The following DDX43 variants were observed in gnomAD, a reference collection of about 807,000 sequenced individuals.
DDX43 encodes probable ATP-dependent RNA helicase DDX43.
A neutral mutation model predicts 84.9 loss-of-function variants in DDX43; 50 were observed. That is an observed-to-expected ratio of 0.59 (90% confidence interval 0.47 to 0.75). The LOEUF (loss-of-function observed/expected upper bound fraction) is 0.75. DDX43 is among the 30% of genes least tolerant of loss of function. The pLI, the probability that DDX43 is intolerant of heterozygous loss-of-function variation, is 0.00. For synonymous variants in DDX43, 291 were observed against 266.3 expected (o/e 1.09, Z -0.90); for missense variants, 689 against 798.6 (o/e 0.86, Z 1.65).
chr6:73,413,973 G>C lies in DDX43; in HGVS notation c.1500G>C (p.Ala500=). 1 of 1,602,416 alleles carries C rather than the reference G, an allele frequency of 6.2e-7. No individual in the cohort carries two copies. Among genetic ancestry groups the C allele is most frequent in the Non-Finnish European group, 8.5e-7 (1 of 1,169,606 alleles). Residue 500 remains alanine, a synonymous_variant, in exon 13 of 17, where the codon GCG becomes GCC. Transcript: ENST00000370336. ...VIVFVSRKAV[A]DHLSSDLILG... ...CTGAGTTTATCTTTTGCTTCAGTGC[G>C]GATCACTTATCAAGTGACCTAATAC...
In DDX43 at chr6:73,394,861, C is replaced by T; in HGVS notation, c.-45C>T. The stretch of plus-strand genomic sequence containing the variant: ...CTTACGACGTCACGGTCAGGTGGTG[C>T]AGAGCTGGACGGCAACGACGTCGGA... On this transcript the variant is annotated 5_prime_UTR_variant, in exon 1 of 17. Transcript: ENST00000370336. The T allele has an allele frequency of 6.2e-7, 1 of 1,601,792 alleles. No individual in the cohort carries two copies. The highest frequency in any genetic ancestry group is 8.5e-7 in the Non-Finnish European group (1 of 1,173,648).
At chr6:73,399,241 T>C (rs1769526062) in intron 2 of DDX43, among the ~76,000 whole-genome samples, 2 of 152,198 alleles carry the variant, frequency 1.3e-5, no homozygotes, top group Admixed American at 6.5e-5. Context: ...GCCACTGCGC[T>C]TGGCTAGAAC....
intron 11 of DDX43, 84 bp from the exon 12 acceptor site, chr6:73,413,574 G>T: frequency 7.5e-7 from 1 of 1,329,294 alleles, no homozygotes; most frequent in Non-Finnish European, 1.0e-6. Flanking sequence ...ACCAATGAGA[G>T]AGAAGATGCA....
rs1057216355 is a variant in DDX43, at chr6:73,395,078, C to G, written c.173C>G (p.Pro58Arg). ...GGRWRGTSRPPEAVAAGHEEL... is the reference protein window; with the variant it reads ...GGRWRGTSRPREAVAAGHEEL... ...CGCTGGAGAGGCACCTCTAGGCCCC[C>G]GGAGGCCGTGGCCGCTGGTCACGAG... Residue 58 changes from proline to arginine, a missense_variant, in exon 1 of 17, where the codon CCG becomes CGG. Pro to Arg is a moderately radical substitution (Grantham distance 103). Transcript: ENST00000370336. 6.2e-7 allele frequency: 1 copy of G among 1,614,028 alleles called. No homozygotes were observed. The highest frequency in any genetic ancestry group is 1.7e-5 in the Admixed American group (1 of 60,004).
At chr6:73,404,577 C>A in intron 4 of DDX43, 113 bp from the exon 5 acceptor site, 2 of 842,274 alleles carry the variant, frequency 2.4e-6, no homozygotes, top group Non-Finnish European at 3.8e-6. Flanking sequence ...GTAGAACTAT[C>A]AAATGGTATG....
At chr6:73,412,692 C>T (rs1375741537) in intron 11 of DDX43, among the ~76,000 whole-genome samples, 30 of 116,352 alleles carry the variant, frequency 2.6e-4, no homozygotes, top group Admixed American at 3.9e-4. Flanking sequence ...TGTGTGTGTG[C>T]GCGTGCGTGC....
rs1769708233 is a variant in DDX43, at chr6:73,407,593, T to C, written c.1015T>C (p.Tyr339His). 1 of 1,612,632 alleles carries C rather than the reference T, an allele frequency of 6.2e-7. No individual in the cohort carries two copies. Among genetic ancestry groups the C allele is most frequent in the Non-Finnish European group, 8.5e-7 (1 of 1,178,828 alleles). ...ALQVEGECCK[Y>H]SYKGLRSVCV... is the part of the protein sequence containing the mutation. Reference sequence around the variant, plus strand: ...TCAAGTAGAAGGAGAATGTTGCAAATATTCATATAAAGGGCTTCGGAGGTA... The same window carrying C: ...TCAAGTAGAAGGAGAATGTTGCAAACATTCATATAAAGGGCTTCGGAGGTA... The change falls in exon 8 of 17, where the codon TAT becomes CAT. Residue 339 changes from tyrosine (Y) to histidine (H), a missense_variant. Transcript: ENST00000370336.
chr6:73,402,191 A>AT (rs1254393083), intron 4 of DDX43, among the ~76,000 whole-genome samples: 2 of 152,246 alleles, frequency 1.3e-5, no homozygotes, highest in African/African-American at 4.8e-5. Context: ...TATTAAACCT[A>AT]TTTATAGTCT....
chr6:73,405,462 G>C (rs1582638052), intron 5 of DDX43, among the ~76,000 whole-genome samples: 2 of 152,156 alleles, frequency 1.3e-5, no homozygotes, highest in East Asian at 3.8e-4. Context: ...ACCTACTAAT[G>C]TATAATGTTT....
rs768859135 is a variant in DDX43 at position 73,394,871 on chromosome 6, C to G, written c.-35C>G. On this transcript the variant is annotated 5_prime_UTR_variant, in exon 1 of 17. Coordinates refer to ENST00000370336, the MANE Select transcript of DDX43 (RefSeq NM_018665.3). ...CACGGTCAGGTGGTGCAGAGCTGGA[C>G]GGCAACGACGTCGGACGCGCCCCTT... The G allele has an allele frequency of 2.5e-6, 4 of 1,607,340 alleles. No individual in the cohort carries two copies. The highest frequency in any genetic ancestry group is 3.4e-6 in the Non-Finnish European group (4 of 1,176,486).
intron 1 of DDX43, 52 bp from the exon 2 acceptor site, chr6:73,397,637 C>A: frequency 6.9e-7 from 1 of 1,443,994 alleles, no homozygotes; most frequent in Non-Finnish European, 9.7e-7. Context: ...GGTAAATTTT[C>A]AACTTACTAA....
At chr6:73,415,667 C>T (rs1262115767) in intron 15 of DDX43, 83 bp downstream of exon 15, 9 of 963,726 alleles carry the variant, frequency 9.3e-6, no homozygotes, top group Admixed American at 2.3e-5. Flanking sequence ...TGCTATTTAT[C>T]AGGAAGCTTC....
chr6:73,411,323 T>C (rs1416905471), intron 10 of DDX43, among the ~76,000 whole-genome samples: 1 of 151,314 alleles, frequency 6.6e-6, no homozygotes. Context: ...TACCTTTTTT[T>C]CTTTTCTTTC....
At chr6:73,403,676 G>T (rs562854373) in intron 4 of DDX43, among the ~76,000 whole-genome samples, 1 of 152,022 alleles carries the variant, frequency 6.6e-6, no homozygotes, top group South Asian at 2.1e-4. Context: ...TTTTTTGAGG[G>T]TTTCACTCTG....
At chr6:73,396,171 A>G (rs1446254307) in intron 1 of DDX43, among the ~76,000 whole-genome samples, 2 of 152,064 alleles carry the variant, frequency 1.3e-5, no homozygotes, top group Non-Finnish European at 2.9e-5. Context: ...ATTACCCAGG[A>G]TGGTCTCGAA....
intron 11 of DDX43, among the ~76,000 whole-genome samples, chr6:73,412,668 T>TGTGTGTGCGCGCGCGC (rs538597626): frequency 9.2e-6 from 1 of 108,396 alleles, no homozygotes; most frequent in Admixed American, 9.1e-5. Flanking sequence ...TGTGTGTGTG[T>TGTGTGTGCGCGCGCGC]GCGCGCGCGC....
At position 73,412,668 on chromosome 6, in the gene DDX43, T is replaced by TGTGTGCGCGCGC. The variant is rs538597626; in HGVS notation, c.1368+377_1368+378insTGTGCGCGCGCG. ...GTGTGTGTGTGTGTGTGTGTGTGTG[T>TGTGTGCGCGCGC]GCGCGCGCGCGTGTGTGTGTGTGCG... On this transcript the variant is annotated intron_variant, in intron 11 of 16. Coordinates refer to ENST00000370336, the MANE Select transcript of DDX43 (RefSeq NM_018665.3). Among the ~76,000 whole-genome samples the TGTGTGCGCGCGC allele has an allele frequency of 1.3e-4, 14 of 108,464 alleles. No homozygotes were observed. The East Asian group carries it at 1.7e-3, about 13-fold the overall frequency. 71.2% of individuals were successfully genotyped at this position (108,464 alleles called of 152,430 possible). A position where few individuals can be genotyped will look rare whatever the true frequency, so the allele number is the denominator to read the frequency against.
chr6:73,412,625 G>GAT (rs1554236108), intron 11 of DDX43, among the ~76,000 whole-genome samples: 9,058 of 127,148 alleles, frequency 0.071, 496 homozygotes, highest in Non-Finnish European at 0.11. Flanking sequence ...GGGTTCAAGT[G>GAT]ATATATATAT....
Position 73,415,513 on chromosome 6 carries a change from AT to A in DDX43, c.1764del (p.Thr589GlnfsTer3). On this transcript the variant is annotated frameshift_variant, in exon 15 of 17. Transcript: ENST00000370336. LOFTEE classifies it high-confidence loss of function. ...ACACTAAAGGAGGACTGGTGTTTCC[AT>A]TACAACTTTGACTAGAAATGATTGG... ...TGRAGRTGVS[I>X]TTLTRNDWRV... 1 of 1,613,210 alleles carries A rather than the reference AT, an allele frequency of 6.2e-7. No homozygotes were observed. The highest frequency in any genetic ancestry group is 2.2e-5 in the East Asian group (1 of 44,832).
Sources: allele counts gnomAD v4.1 joint callset (sites outside exome capture counted in the v4.1 genomes callset), GRCh38; gene constraint gnomAD v4.1.1; transcripts MANE v1.5; gene names NCBI Gene and HGNC (gene_info 2026-07-23, HGNC 2026-07-21).